The following SHISA9 variants were observed in gnomAD, a reference collection of about 807,000 sequenced individuals.
SHISA9 encodes protein shisa-9.
SHISA9 carries 13 observed loss-of-function variants against 38.0 expected under a neutral mutation model. That is an observed-to-expected ratio of 0.34 (90% CI 0.22 to 0.54). The LOEUF (loss-of-function observed/expected upper bound fraction) is 0.54, where lower values mean the gene tolerates loss of function less well. SHISA9 is among the 20% of genes least tolerant of loss of function. SHISA9 has a pLI of 0.91. For missense variants in SHISA9, 538 were observed against 575.8 expected, an observed-to-expected ratio of 0.93 and a Z score of 0.67; for synonymous variants, 275 against 242.0, an observed-to-expected ratio of 1.14 and a Z score of -1.27.
chr16:12,970,274 C>G (rs2072037482), intron 2 of SHISA9, among the ~76,000 whole-genome samples: 1 of 139,094 alleles, frequency 7.2e-6, no homozygotes, highest in South Asian at 2.2e-4. Context: ...ACTGGATTGC[C>G]ATATGCAGAA....
chr16:12,933,379 C>T (rs2071486767), intron 2 of SHISA9, among the ~76,000 whole-genome samples: 1 of 151,988 alleles, frequency 6.6e-6, no homozygotes, highest in Admixed American at 6.6e-5. Flanking sequence ...ACTGCAACCT[C>T]CGCCTCCTGG....
intron 2 of SHISA9, among the ~76,000 whole-genome samples, chr16:12,969,842 A>G (rs2072031637): frequency 6.6e-6 from 1 of 152,202 alleles, no homozygotes; most frequent in Non-Finnish European, 1.5e-5. Context: ...TATTCATTAA[A>G]TCAGCACGCA....
intron 2 of SHISA9, among the ~76,000 whole-genome samples, chr16:13,108,450 G>A (rs1032548297): frequency 6.6e-6 from 1 of 152,180 alleles, no homozygotes; most frequent in African/African-American, 2.4e-5. Context: ...AGTTTTTGGA[G>A]TCTTGGGGTC....
chr16:13,491,628 C>T, the SHISA9 span, among the ~76,000 whole-genome samples: 3 of 151,548 alleles, frequency 2.0e-5, no homozygotes, highest in East Asian at 1.9e-4. Context: ...GCTAGGATTA[C>T]AGGTGCACGC....
At chr16:13,198,993 T>C (rs77735973) in intron 2 of SHISA9, among the ~76,000 whole-genome samples, 4,206 of 152,304 alleles carry the variant, frequency 0.028, 109 homozygotes, top group East Asian at 0.094. Context: ...AAGCAAATAC[T>C]TTATAATGGA....
At chr16:13,045,960 T>C (rs1453728389) in intron 2 of SHISA9, among the ~76,000 whole-genome samples, 1 of 152,206 alleles carries the variant, frequency 6.6e-6, no homozygotes, top group Non-Finnish European at 1.5e-5. Flanking sequence ...TCAATGTTTG[T>C]TTAAATTTGT....
At chr16:13,193,435 T>A (rs993189576) in intron 2 of SHISA9, among the ~76,000 whole-genome samples, 1 of 152,210 alleles carries the variant, frequency 6.6e-6, no homozygotes, top group African/African-American at 2.4e-5. Context: ...CACTGTGACC[T>A]CTGCCTCCTG....
At chr16:13,046,167 T>C (rs1200250189) in intron 2 of SHISA9, among the ~76,000 whole-genome samples, 3 of 152,144 alleles carry the variant, frequency 2.0e-5, no homozygotes, top group African/African-American at 7.2e-5. Flanking sequence ...TGACTGACTG[T>C]GTATTTATTA....
In SHISA9 at chr16:12,975,705, A is replaced by G. The variant is rs368318022; in HGVS notation, c.691+58890A>G. 8.6e-3 allele frequency among the ~76,000 whole-genome samples: 1,295 copies of G among 150,170 alleles called. 24 individuals carry two copies. The highest frequency in any genetic ancestry group is 0.03 in the African/African-American group (1,221 of 40,358). On this transcript the variant is annotated intron_variant, in intron 2 of 4. Transcript: ENST00000558583. ...ATGAATAGGCCTGGCCTAATCAGGA[A>G]TTGGTGAATTTAAGATGGAAATTGT...
intron 2 of SHISA9, among the ~76,000 whole-genome samples, chr16:12,952,957 T>A (rs1188068585): frequency 6.6e-6 from 1 of 152,130 alleles, no homozygotes; most frequent in East Asian, 1.9e-4. Context: ...GCACTGTGTA[T>A]GAGGCAGGCA....
At chr16:13,281,365 C>CT in the SHISA9 span, among the ~76,000 whole-genome samples, 17 of 151,736 alleles carry the variant, frequency 1.1e-4, no homozygotes, top group African/African-American at 3.6e-4. Context: ...CATAGTATAT[C>CT]TTTTTTCGAT....
intron 2 of SHISA9, among the ~76,000 whole-genome samples, chr16:13,013,034 C>A (rs901461929): frequency 6.6e-6 from 1 of 152,178 alleles, no homozygotes; most frequent in Non-Finnish European, 1.5e-5. Flanking sequence ...GCCTGTCTCT[C>A]TCTCTCTTCC....
At chr16:13,468,669 C>T in the SHISA9 span, among the ~76,000 whole-genome samples, 2 of 152,004 alleles carry the variant, frequency 1.3e-5, no homozygotes, top group African/African-American at 4.8e-5. Context: ...TAGACTGGTC[C>T]TCAAAGAAAT....
the SHISA9 span, among the ~76,000 whole-genome samples, chr16:13,257,471 G>A: frequency 1.3e-5 from 2 of 152,108 alleles, no homozygotes; most frequent in East Asian, 1.9e-4. Flanking sequence ...TACTGTCTAC[G>A]CTCATTCATA....
intron 2 of SHISA9, among the ~76,000 whole-genome samples, chr16:13,164,908 CTG>C (rs1272410029): frequency 3.3e-5 from 5 of 152,078 alleles, no homozygotes; most frequent in African/African-American, 9.7e-5. Context: ...TATGGTTCAT[CTG>C]TGGATTTTTC....
chr16:13,547,206 GA>G, the SHISA9 span, among the ~76,000 whole-genome samples: 6 of 150,398 alleles, frequency 4.0e-5, no homozygotes, highest in East Asian at 3.9e-4. Flanking sequence ...GCCAGTAATG[GA>G]AAAAAAAATG....
At chr16:13,164,537 G>T (rs1369972568) in intron 2 of SHISA9, among the ~76,000 whole-genome samples, 4 of 151,968 alleles carry the variant, frequency 2.6e-5, no homozygotes, top group Non-Finnish European at 4.4e-5. Flanking sequence ...TTTGGAAAAG[G>T]TTTTGTAAAA....
chr16:13,204,160 A>ATCTC (rs1389648089), intron 3 of SHISA9, among the ~76,000 whole-genome samples: 1 of 149,504 alleles, frequency 6.7e-6, no homozygotes, highest in African/African-American at 2.5e-5. Context: ...CTATCTATCT[A>ATCTC]TCTATCTATT....
chr16:12,904,295 C>T (rs1381846580), intron 1 of SHISA9, among the ~76,000 whole-genome samples: 1 of 152,068 alleles, frequency 6.6e-6, no homozygotes, highest in Non-Finnish European at 1.5e-5. Flanking sequence ...ATTTGGTTAA[C>T]TACTGCTGAA....
Sources: allele counts gnomAD v4.1 joint callset (sites outside exome capture counted in the v4.1 genomes callset), GRCh38; gene constraint gnomAD v4.1.1; transcripts MANE v1.5; gene names NCBI Gene and HGNC (gene_info 2026-07-23, HGNC 2026-07-21).